Variants in SDHAF4 observed in about 807,000 individuals in gnomAD.
SDHAF4 encodes the protein succinate dehydrogenase complex assembly factor 4.
A neutral mutation model predicts 14.3 loss-of-function variants in SDHAF4; 14 were observed. That is an observed-to-expected ratio of 0.98 (90% confidence interval 0.65 to 1.53). The LOEUF is 1.53. Among genes scored for constraint, SDHAF4 ranks in the 40% most tolerant of loss-of-function variants. The probability of loss-of-function intolerance (pLI) is 0.00; values close to 1 mark genes in which losing one functional copy is unlikely to be tolerated. For synonymous variants in SDHAF4, 63 were observed against 47.3 expected (o/e 1.33, Z -1.36); for missense variants, 141 against 129.3 (o/e 1.09, Z -0.44).
Position 70,579,476 on chromosome 6 carries a change from C to T in SDHAF4, c.127C>T (p.Leu43Phe), listed in dbSNP as rs540123247. Residue 43 changes from leucine (L) to phenylalanine (F), a missense_variant, in exon 2 of 3, where the codon CTT becomes TTT. Coordinates refer to ENST00000370474, the MANE Select transcript of SDHAF4 (RefSeq NM_145267.3). ...TTCTTCTCAAGGAGGAAAGTCTGAA[C>T]TTGTCAAACAGTCCCTTAAGAAGCC... ...TSSSQGGKSE[L>F]VKQSLKKPKL... 2.4e-5 allele frequency: 38 copies of T among 1,611,430 alleles called. No homozygotes were observed. In the East Asian group the frequency reaches 5.6e-4, roughly 24 times the overall value.
chr6:70,572,649 G>GTT (rs925290921), intron 1 of SDHAF4, among the ~76,000 whole-genome samples: 51 of 147,598 alleles, frequency 3.5e-4, no homozygotes, highest in African/African-American at 1.2e-3. Context: ...ATTTTCCGTG[G>GTT]TTTTTTTTTT....
intron 2 of SDHAF4, among the ~76,000 whole-genome samples, chr6:70,580,337 GGAA>G (rs1377471064): frequency 6.6e-6 from 1 of 152,138 alleles, no homozygotes; most frequent in Non-Finnish European, 1.5e-5. Context: ...ACAAGTGTTG[GGAA>G]GGATGTGGAG....
intron 2 of SDHAF4, among the ~76,000 whole-genome samples, chr6:70,583,116 A>AT (rs1253799432): frequency 1.3e-5 from 2 of 152,010 alleles, no homozygotes; most frequent in South Asian, 2.1e-4. Context: ...AGGAAAAATA[A>AT]TTTTTTGTTT....
intron 1 of SDHAF4, among the ~76,000 whole-genome samples, chr6:70,575,355 G>A (rs574437022): frequency 6.6e-6 from 1 of 151,900 alleles, no homozygotes; most frequent in Admixed American, 6.5e-5. Flanking sequence ...TCCAGCCTGG[G>A]GGACAGAGTG....
rs1341388356 is a variant in SDHAF4 at position 70,579,505 on chromosome 6, G to A, written c.156G>A (p.Lys52=). 6.2e-7 allele frequency: 1 copy of A among 1,611,582 alleles called. No individual in the cohort carries two copies. The highest frequency in any genetic ancestry group is 8.5e-7 in the Non-Finnish European group (1 of 1,178,770). Reference sequence around the variant, plus strand: ...TCAAACAGTCCCTTAAGAAGCCGAAGTTACCAGAAGGTCGTTTTGATGCAC... The same window carrying A: ...TCAAACAGTCCCTTAAGAAGCCGAAATTACCAGAAGGTCGTTTTGATGCAC... ...ELVKQSLKKP[K]LPEGRFDAPE... The change falls in exon 2 of 3, where the codon AAG becomes AAA. Residue 52 remains lysine (K), a synonymous_variant. Coordinates refer to ENST00000370474, the MANE Select transcript of SDHAF4 (RefSeq NM_145267.3).
At chr6:70,577,817 G>A (rs1208924594) in intron 1 of SDHAF4, among the ~76,000 whole-genome samples, 2 of 152,146 alleles carry the variant, frequency 1.3e-5, no homozygotes, top group Non-Finnish European at 2.9e-5. Flanking sequence ...GTGAGAATAT[G>A]CAATATTTGG....
At chr6:70,598,145 A>T in the SDHAF4 span, among the ~76,000 whole-genome samples, 1 of 152,188 alleles carries the variant, frequency 6.6e-6, no homozygotes, top group Non-Finnish European at 1.5e-5. Flanking sequence ...TGGAAGGCCG[A>T]GGTGGGTGGA....
chr6:70,593,030 C>G (rs1257299283), downstream of SDHAF4, among the ~76,000 whole-genome samples: 1 of 152,242 alleles, frequency 6.6e-6, no homozygotes, highest in Non-Finnish European at 1.5e-5. Flanking sequence ...GGGCTTGCTG[C>G]CCCGGGCTGC....
intron 1 of SDHAF4, among the ~76,000 whole-genome samples, chr6:70,568,333 G>A (rs1802131407): frequency 6.6e-6 from 1 of 152,116 alleles, no homozygotes; most frequent in African/African-American, 2.4e-5. Context: ...CTATGTAGCA[G>A]TCATGTAAGC....
At chr6:70,591,194 G>A (rs562329385), downstream of SDHAF4, among the ~76,000 whole-genome samples, 1 of 152,224 alleles carries the variant, frequency 6.6e-6, no homozygotes, top group African/African-American at 2.4e-5. Context: ...GCCTACTCAA[G>A]TTGACACATA....
chr6:70,581,503 C>T (rs866764710), intron 2 of SDHAF4, among the ~76,000 whole-genome samples: 1 of 152,136 alleles, frequency 6.6e-6, no homozygotes, highest in Non-Finnish European at 1.5e-5. Flanking sequence ...CAATCCACAA[C>T]CTTTGACAGT....
chr6:70,592,015 A>G (rs975137693), downstream of SDHAF4, among the ~76,000 whole-genome samples: 1 of 152,222 alleles, frequency 6.6e-6, no homozygotes, highest in African/African-American at 2.4e-5. Flanking sequence ...ATCTGAGCCC[A>G]CTCAGCCAAC....
chr6:70,589,829 G>A (rs2128536672), downstream of SDHAF4, among the ~76,000 whole-genome samples: 1 of 152,282 alleles, frequency 6.6e-6, no homozygotes, highest in South Asian at 2.1e-4. Flanking sequence ...ATACTGGTGG[G>A]CTGCAGGAGG....
rs528523126 is a variant in SDHAF4 at position 70,571,095 on chromosome 6, G to A, written c.64+4091G>A. On this transcript the variant is annotated intron_variant, in intron 1 of 2. Coordinates refer to ENST00000370474, the MANE Select transcript of SDHAF4 (RefSeq NM_145267.3). The stretch of plus-strand genomic sequence containing the variant: ...TTTCTATGTAGAGTTTTGGGATTTT[G>A]TTTTGTTTTTGTTTATGTATTTGTA... Among the ~76,000 whole-genome samples the A allele has an allele frequency of 4.0e-4, 61 of 151,944 alleles. No homozygotes were observed. In the East Asian group the frequency reaches 0.01, roughly 26 times the overall value.
rs372022167 is a variant in SDHAF4 at position 70,581,117 on chromosome 6, T to C, written c.217+1551T>C. Among the ~76,000 whole-genome samples the C allele has an allele frequency of 2.3e-3, 347 of 151,960 alleles. 10 individuals are homozygous for C. The South Asian group carries it at 0.065, about 28-fold the overall frequency. On this transcript the variant is annotated intron_variant, in intron 2 of 2. Transcript: ENST00000370474. ...CTCATTGTTGTATTTTTAGTAGAGA[T>C]GGGGGTTTCACCATGTTGGCCAGGC...
At chr6:70,572,951 A>G (rs1802203679) in intron 1 of SDHAF4, among the ~76,000 whole-genome samples, 1 of 152,160 alleles carries the variant, frequency 6.6e-6, no homozygotes, top group Non-Finnish European at 1.5e-5. Context: ...CTGTATTCTT[A>G]TCTCCCACTT....
intron 1 of SDHAF4, among the ~76,000 whole-genome samples, chr6:70,572,379 T>C (rs79339185): frequency 0.13 from 19,165 of 152,158 alleles, 1,477 homozygotes; most frequent in Middle Eastern, 0.19. Context: ...ATGGTGACTA[T>C]AGTTAATATC....
intron 1 of SDHAF4, among the ~76,000 whole-genome samples, chr6:70,568,964 T>TTTC (rs199786712): frequency 0.03 from 2,726 of 90,470 alleles, 36 homozygotes; most frequent in African/African-American, 0.097. Context: ...TCTTTTTTCT[T>TTTC]TTTTTTTTTT....
chr6:70,591,079 C>T (rs917504128), downstream of SDHAF4, among the ~76,000 whole-genome samples: 4 of 152,172 alleles, frequency 2.6e-5, no homozygotes, highest in Admixed American at 2.6e-4. Flanking sequence ...TGCCCGAATA[C>T]ATTGGGAAGG....
Sources: gnomAD v4.1 joint callset for allele counts (sites outside exome capture counted in the v4.1 genomes callset) on GRCh38, gnomAD v4.1.1 for gene constraint, MANE v1.5 for transcripts, NCBI Gene and HGNC (gene_info 2026-07-23, HGNC 2026-07-21) for gene names.